Variants in NAP1L4 observed in about 807,000 individuals in gnomAD.
NAP1L4 encodes the protein nucleosome assembly protein 1-like 4.
Under a neutral mutation model 58.2 loss-of-function variants are expected in NAP1L4, and 15 were observed. The observed-to-expected ratio is 0.26, with a 90% CI of 0.17 to 0.40. NAP1L4 has a LOEUF of 0.40. Ranked by LOEUF, NAP1L4 falls within the 10% of genes least tolerant of loss-of-function variation. The pLI is 1.00. For synonymous variants in NAP1L4, 171 were observed against 155.6 expected (o/e 1.10, Z -0.74); for missense variants, 384 against 451.1 (o/e 0.85, Z 1.35).
At chr11:2,973,729 G>C (rs1246175996) in intron 4 of NAP1L4, among the ~76,000 whole-genome samples, 1 of 152,186 alleles carries the variant, frequency 6.6e-6, no homozygotes, top group Non-Finnish European at 1.5e-5. Context: ...CAAAATGGTA[G>C]ACTCCCACTG....
chr11:2,954,344 C>G lies in NAP1L4; in HGVS notation c.1035+183G>C. 1 of 903,438 alleles carries G rather than the reference C, an allele frequency of 1.1e-6. No individual in the cohort carries two copies. The highest frequency in any genetic ancestry group is 2.1e-4 in the Middle Eastern group (1 of 4,684). The allele number at this position is 903,438 out of a possible 1,614,324, so 56.0% of individuals were successfully genotyped here. ...GACACCTGCTTTTCCTGCTCTGTTCCTCAGACTTCTCCTCTTCAAGCGTAT... is the reference window on the plus strand; with the variant it reads ...GACACCTGCTTTTCCTGCTCTGTTCGTCAGACTTCTCCTCTTCAAGCGTAT... On this transcript the variant is annotated intron_variant, in intron 12 of 15. Coordinates refer to ENST00000380542, the MANE Select transcript of NAP1L4 (RefSeq NM_005969.4). The surrounding 1 kb of genome is among the most constrained non-coding windows in gnomAD (Gnocchi z 4.8).
At chr11:2,989,351 C>T (rs1476739129) in intron 1 of NAP1L4, 1 of 152,182 alleles carries the variant, frequency 6.6e-6, no homozygotes, top group Non-Finnish European at 1.5e-5. Context: ...CTGTCTTATT[C>T]AAATATAAAC....
chr11:2,967,504 G>A (rs373334947), intron 7 of NAP1L4, among the ~76,000 whole-genome samples: 18 of 151,932 alleles, frequency 1.2e-4, no homozygotes, highest in South Asian at 8.3e-4. Flanking sequence ...CCAGCTACTC[G>A]GGAGGCTGAG....
Position 2,955,651 on chromosome 11 carries a change from C to T in NAP1L4, c.915+93G>A, listed in dbSNP as rs1846494342. 2.3e-6 allele frequency: 3 copies of T among 1,288,080 alleles called. No homozygotes were observed. In the East Asian group the frequency reaches 6.9e-5, roughly 30 times the overall value. The allele number at this position is 1,288,080 out of a possible 1,614,324, so 79.8% of individuals were successfully genotyped here. ...ACTGGCATACCCAGTCCACACACAG[C>T]CAGGACTGGACTTTTTTTAACAAGT... On this transcript the variant is annotated intron_variant, in intron 11 of 15. Transcript: ENST00000380542. This position sits in a 1 kb window ranked among gnomAD's most constrained non-coding sequence, Gnocchi z 4.2.
At chr11:2,967,871 G>A (rs906853836) in intron 7 of NAP1L4, among the ~76,000 whole-genome samples, 2 of 152,116 alleles carry the variant, frequency 1.3e-5, no homozygotes, top group African/African-American at 2.4e-5. Context: ...CATTTAAAAT[G>A]TGGCCAAATG....
At chr11:2,953,971 C>A (rs1286112071) in intron 12 of NAP1L4, among the ~76,000 whole-genome samples, 1 of 152,204 alleles carries the variant, frequency 6.6e-6, no homozygotes, top group African/African-American at 2.4e-5. Flanking sequence ...CTAAGCGGTA[C>A]TTGGGCTGTG....
At chr11:2,970,041 C>T (rs1847545683) in intron 6 of NAP1L4, 107 bp from the exon 7 acceptor site, 1 of 1,210,110 alleles carries the variant, frequency 8.3e-7, no homozygotes, top group Non-Finnish European at 1.1e-6. Context: ...CCATCAAACA[C>T]CTTGCTTTCT....
chr11:2,952,109 C>A, intron 12 of NAP1L4: 1 of 466,018 alleles, frequency 2.1e-6, no homozygotes, highest in South Asian at 3.4e-5. Flanking sequence ...GCTGTTCTCA[C>A]ACCGAGGAGC....
At chr11:2,964,547 C>A in intron 8 of NAP1L4, 133 bp downstream of exon 8, 1 of 683,428 alleles carries the variant, frequency 1.5e-6, no homozygotes, top group Non-Finnish European at 2.5e-6. Flanking sequence ...GGAGAGCAGT[C>A]TCGCCCAGGG....
chr11:2,959,878 T>C lies in NAP1L4; in HGVS notation c.638A>G (p.Asn213Ser). The change falls in exon 9 of 16, where the codon AAC becomes AGC. Residue 213 changes from asparagine to serine, a missense_variant. Asn to Ser is a conservative substitution (Grantham distance 46). Coordinates refer to ENST00000380542, the MANE Select transcript of NAP1L4 (RefSeq NM_005969.4). This position sits in a 1 kb window ranked among gnomAD's most constrained non-coding sequence, Gnocchi z 4.9. ...CAGGACTGAGTTGGTAAAGTAGTCG[T>C]TGGGTTCAAAGTGGAACTCTAACAC... ...SFVLEFHFEP[N>S]DYFTNSVLTK... 2 of 1,614,224 alleles carry C rather than the reference T, an allele frequency of 1.2e-6. No individual in the cohort carries two copies. The highest frequency in any genetic ancestry group is 1.7e-6 in the Non-Finnish European group (2 of 1,180,032).
chr11:2,969,108 A>G (rs2133963915), intron 7 of NAP1L4, among the ~76,000 whole-genome samples: 1 of 150,542 alleles, frequency 6.6e-6, no homozygotes, highest in African/African-American at 2.4e-5. Context: ...CTCCTGCCTC[A>G]GCCTCCCAAG....
In NAP1L4 at chr11:2,970,025, T is replaced by C. The variant is rs1016592925; in HGVS notation, c.403-91A>G. Reference sequence around the variant, plus strand: ...AGAATATCGTTGCCGAATCCTCTACTATCTCCCATCAAACACCTTGCTTTC... The same window carrying C: ...AGAATATCGTTGCCGAATCCTCTACCATCTCCCATCAAACACCTTGCTTTC... On this transcript the variant is annotated intron_variant, in intron 6 of 15. Transcript: ENST00000380542. The C allele has an allele frequency of 5.2e-6, 7 of 1,337,822 alleles. No homozygotes were observed. In the African/African-American group the frequency reaches 8.9e-5, roughly 17 times the overall value. 82.9% of individuals were successfully genotyped at this position (1,337,822 alleles called of 1,614,324 possible). A position where few individuals can be genotyped will look rare whatever the true frequency, so the allele number is the denominator to read the frequency against.
chr11:2,965,244 C>A (rs1847195808), intron 7 of NAP1L4, among the ~76,000 whole-genome samples: 1 of 152,246 alleles, frequency 6.6e-6, no homozygotes, highest in Non-Finnish European at 1.5e-5. Context: ...ACAATGGGGG[C>A]ACCTCCTGAG....
intron 8 of NAP1L4, among the ~76,000 whole-genome samples, chr11:2,964,310 C>T (rs898122317): frequency 2.6e-5 from 4 of 152,092 alleles, no homozygotes; most frequent in Admixed American, 1.3e-4. Flanking sequence ...ACTACAAGAC[C>T]AAGGCCTGGC....
chr11:2,946,156 C>A lies in NAP1L4; in HGVS notation c.*33-510G>T, dbSNP rs1435182529. Among the ~76,000 whole-genome samples the A allele has an allele frequency of 6.6e-6, 1 of 152,184 alleles. No homozygotes were observed. The highest frequency in any genetic ancestry group is 1.5e-5 in the Non-Finnish European group (1 of 68,026). On this transcript the variant is annotated intron_variant, in intron 15 of 15. Coordinates refer to ENST00000380542, the MANE Select transcript of NAP1L4 (RefSeq NM_005969.4). This position sits in a 1 kb window ranked among gnomAD's most constrained non-coding sequence, Gnocchi z 4.8. ...CTCTAGCGGGTTCCTGCTCTTTGTA[C>A]TACCAGGGAGCGCCCCGGCAGATCC...
intron 10 of NAP1L4, among the ~76,000 whole-genome samples, chr11:2,956,538 C>T (rs1846549519): frequency 1.3e-5 from 2 of 152,198 alleles, no homozygotes; most frequent in South Asian, 4.1e-4. Flanking sequence ...TCCCATTAAG[C>T]GACCACAACC....
intron 8 of NAP1L4, 152 bp from the exon 9 acceptor site, chr11:2,960,061 C>T: frequency 1.3e-6 from 1 of 759,548 alleles, no homozygotes. Flanking sequence ...GCAAAAAAGA[C>T]TAGCGTGAGG....
At chr11:2,980,060 G>C (rs953789260) in intron 1 of NAP1L4, among the ~76,000 whole-genome samples, 14 of 152,114 alleles carry the variant, frequency 9.2e-5, no homozygotes, top group African/African-American at 3.4e-4. Context: ...AATATACTCA[G>C]TATTATTCCA....
Position 2,951,632 on chromosome 11 carries a change from T to C in NAP1L4, c.1065+148A>G, listed in dbSNP as rs1425364656. 10 of 770,942 alleles carry C rather than the reference T, an allele frequency of 1.3e-5. No homozygotes were observed. Among genetic ancestry groups the C allele is most frequent in the Middle Eastern group, 2.3e-4 (1 of 4,364 alleles). The allele number at this position is 770,942 out of a possible 1,614,324, so 47.8% of individuals were successfully genotyped here. On this transcript the variant is annotated intron_variant, in intron 13 of 15. Transcript: ENST00000380542. The surrounding 1 kb of genome is among the most constrained non-coding windows in gnomAD (Gnocchi z 4.0). ...CACAGCATTTGCTATGCATTTCTGCTTAGTGTTTTAAGAACATTCTTAGAA... is the reference window on the plus strand; with the variant it reads ...CACAGCATTTGCTATGCATTTCTGCCTAGTGTTTTAAGAACATTCTTAGAA...
Sources: allele counts gnomAD v4.1 joint callset (sites outside exome capture counted in the v4.1 genomes callset), GRCh38; gene constraint gnomAD v4.1.1; non-coding constraint Gnocchi (gnomAD v3.1); transcripts MANE v1.5; gene names NCBI Gene and HGNC (gene_info 2026-07-23, HGNC 2026-07-21).